Variants in RBFOX1 observed in about 807,000 individuals in gnomAD.
RBFOX1 encodes RNA binding protein fox-1 homolog 1.
In RBFOX1, 8 loss-of-function variants were observed where a neutral mutation model predicts 57.7. That is an observed-to-expected ratio of 0.14 (90% CI 0.08 to 0.25). The LOEUF is 0.25. Among genes scored for constraint, RBFOX1 ranks in the 10% least tolerant of loss-of-function variants. RBFOX1 has a pLI of 1.00. For synonymous variants in RBFOX1, 326 were observed against 222.4 expected (o/e 1.47, Z -4.15); for missense variants, 611 against 548.5 (o/e 1.11, Z -1.14).
chr16:6,964,493 A>G (rs922785839), intron 3 of RBFOX1, among the ~76,000 whole-genome samples: 1 of 152,134 alleles, frequency 6.6e-6, no homozygotes, highest in Non-Finnish European at 1.5e-5. Context: ...ATCAACTGTA[A>G]CAAATTGCAC....
At chr16:6,883,751 C>G (rs758575999) in intron 3 of RBFOX1, among the ~76,000 whole-genome samples, 1 of 151,544 alleles carries the variant, frequency 6.6e-6, no homozygotes, top group African/African-American at 2.4e-5. Context: ...TTCTACAGTT[C>G]TTATAGATGT....
intron 2 of RBFOX1, among the ~76,000 whole-genome samples, chr16:6,344,195 T>C (rs1487184371): frequency 6.6e-6 from 1 of 151,558 alleles, no homozygotes; most frequent in Non-Finnish European, 1.5e-5. Flanking sequence ...GGATTACAGG[T>C]GCCTGCTGCC....
intron 3 of RBFOX1, among the ~76,000 whole-genome samples, chr16:5,862,092 C>T (rs554037252): frequency 3.3e-4 from 51 of 152,276 alleles, no homozygotes; most frequent in East Asian, 9.7e-4. Flanking sequence ...TCATTTCATA[C>T]GCTGGTGTCA....
chr16:5,401,026 G>T (rs934416598), intron 1 of RBFOX1, among the ~76,000 whole-genome samples: 1 of 152,038 alleles, frequency 6.6e-6, no homozygotes, highest in African/African-American at 2.4e-5. Context: ...GTTGTCATTT[G>T]TCATTAAGTA....
intron 1 of RBFOX1, among the ~76,000 whole-genome samples, chr16:6,118,855 T>G (rs894709806): frequency 6.6e-6 from 1 of 151,624 alleles, no homozygotes; most frequent in Non-Finnish European, 1.5e-5. Flanking sequence ...TCTTCTTCAC[T>G]AATCCTGCAC....
chr16:6,147,734 G>A (rs1001868907), intron 1 of RBFOX1, among the ~76,000 whole-genome samples: 6 of 152,158 alleles, frequency 3.9e-5, no homozygotes, highest in Non-Finnish European at 7.4e-5. Flanking sequence ...CCCAGTCCTC[G>A]CACCAAAATC....
At chr16:5,450,931 G>C (rs780836817) in intron 1 of RBFOX1, among the ~76,000 whole-genome samples, 6 of 152,200 alleles carry the variant, frequency 3.9e-5, no homozygotes, top group African/African-American at 1.4e-4. Flanking sequence ...GGGTAAGCTT[G>C]TCCGAGCCTC....
intron 2 of RBFOX1, among the ~76,000 whole-genome samples, chr16:6,427,412 C>A (rs914265205): frequency 2.6e-5 from 4 of 152,116 alleles, no homozygotes; most frequent in Admixed American, 1.3e-4. Flanking sequence ...GGGAGTAGTT[C>A]TGAACGCTGA....
rs116150484 is a variant in RBFOX1, at chr16:5,372,669, C to T, written c.220-94547C>T. Among the ~76,000 whole-genome samples, 1,088 of 152,244 alleles carry T rather than the reference C, an allele frequency of 7.1e-3. 15 individuals carry two copies. The highest frequency in any genetic ancestry group is 0.024 in the African/African-American group (1,014 of 41,546). ...CCAATCCTGTCAATCAGAACAGAAT[C>T]GGCTTTGCAAGGAGCTGTTTCTTCC... On this transcript the variant is annotated intron_variant, in intron 1 of 2. Transcript: ENST00000585867.
chr16:7,200,813 C>T (rs911571053), intron 4 of RBFOX1, among the ~76,000 whole-genome samples: 2 of 152,180 alleles, frequency 1.3e-5, no homozygotes, highest in African/African-American at 2.4e-5. Flanking sequence ...GTGATGAAAA[C>T]ACCATAGGCC....
chr16:6,871,607 C>G (rs753980087), intron 3 of RBFOX1, among the ~76,000 whole-genome samples: 1 of 152,104 alleles, frequency 6.6e-6, no homozygotes, highest in Non-Finnish European at 1.5e-5. Context: ...TCCTTCTATT[C>G]TCCTGGCCAA....
chr16:7,539,507 G>T (rs1196655981), intron 5 of RBFOX1, among the ~76,000 whole-genome samples: 2 of 152,172 alleles, frequency 1.3e-5, no homozygotes, highest in African/African-American at 2.4e-5. Context: ...GTGACATATT[G>T]TCCATGATCT....
intron 4 of RBFOX1, among the ~76,000 whole-genome samples, chr16:7,213,970 G>A (rs1380293389): frequency 1.3e-5 from 2 of 152,086 alleles, no homozygotes; most frequent in East Asian, 1.9e-4. Context: ...GCACCGCAGA[G>A]CTCAGAATTA....
chr16:7,570,770 C>T (rs7204425), intron 5 of RBFOX1, among the ~76,000 whole-genome samples: 83,640 of 151,746 alleles, frequency 0.55, 23,215 homozygotes, highest in East Asian at 0.67. Context: ...CATTCTGTTA[C>T]AGACACACAT....
intron 1 of RBFOX1, among the ~76,000 whole-genome samples, chr16:5,348,791 A>G (rs1392378528): frequency 6.6e-6 from 1 of 152,168 alleles, no homozygotes; most frequent in African/African-American, 2.4e-5. Flanking sequence ...TGAAAACCTC[A>G]CTGCATTTTC....
rs574651186 is a variant in RBFOX1, at chr16:6,728,161, C to G, written c.-16+73511C>G. On this transcript the variant is annotated intron_variant, in intron 3 of 15. Transcript: ENST00000550418. ...TTTGTTTTCATATCCATTCATTATG[C>G]TTTTTGGAAAATTACTTCAAGCAGT... Among the ~76,000 whole-genome samples, 10 of 152,258 alleles carry G rather than the reference C, an allele frequency of 6.6e-5. No homozygotes were observed. In the East Asian group the frequency reaches 1.7e-3, roughly 26 times the overall value.
chr16:6,503,831 A>T (rs1322710770), intron 2 of RBFOX1, among the ~76,000 whole-genome samples: 1 of 152,106 alleles, frequency 6.6e-6, no homozygotes, highest in Non-Finnish European at 1.5e-5. Flanking sequence ...TGGGGATGGG[A>T]TAAGTTTGTG....
chr16:7,233,860 T>C (rs2093634814), intron 4 of RBFOX1, among the ~76,000 whole-genome samples: 1 of 152,236 alleles, frequency 6.6e-6, no homozygotes, highest in Non-Finnish European at 1.5e-5. Context: ...GGTTTATTTC[T>C]GCCGATCTTA....
intron 2 of RBFOX1, among the ~76,000 whole-genome samples, chr16:5,476,794 A>G (rs759477028): frequency 3.3e-5 from 5 of 152,020 alleles, no homozygotes; most frequent in East Asian, 1.9e-4. Flanking sequence ...AGTTTCTTCT[A>G]TTTTCTGGGC....
Sources: gnomAD v4.1 joint callset for allele counts (sites outside exome capture counted in the v4.1 genomes callset) on GRCh38, gnomAD v4.1.1 for gene constraint, MANE v1.5 for transcripts, NCBI Gene and HGNC (gene_info 2026-07-23, HGNC 2026-07-21) for gene names.